Variants in HDAC9 observed in about 807,000 individuals in gnomAD.
HDAC9 encodes MEF-2 interacting transcription repressor (MITR) protein.
HDAC9 carries 41 observed loss-of-function variants against 139.4 expected under a neutral mutation model. That is an observed-to-expected ratio of 0.29 (90% CI 0.23 to 0.38). HDAC9 has a LOEUF of 0.38. Ranked by LOEUF, HDAC9 falls within the 10% of genes least tolerant of loss-of-function variation. HDAC9 has a pLI of 1.00. For missense variants in HDAC9, 1,147 were observed against 1,297.0 expected, an observed-to-expected ratio of 0.88 and a Z score of 1.78; for synonymous variants, 517 against 476.2, an observed-to-expected ratio of 1.09 and a Z score of -1.12.
chr7:18,091,813 A>G (rs1237624791), intron 1 of HDAC9, among the ~76,000 whole-genome samples: 2 of 152,176 alleles, frequency 1.3e-5, no homozygotes, highest in Non-Finnish European at 2.9e-5. Context: ...TGGCTGTAGG[A>G]CTGAGGCCTC....
intron 2 of HDAC9, among the ~76,000 whole-genome samples, chr7:18,564,262 C>T (rs1481938253): frequency 1.3e-5 from 2 of 151,910 alleles, no homozygotes; most frequent in Non-Finnish European, 2.9e-5. Flanking sequence ...TTGTCCATGG[C>T]TATAAATTAA....
chr7:18,555,115 C>T (rs1818395376), intron 2 of HDAC9, among the ~76,000 whole-genome samples: 1 of 152,106 alleles, frequency 6.6e-6, no homozygotes, highest in Non-Finnish European at 1.5e-5. Flanking sequence ...CAAAAGTCTC[C>T]TTTAATATAA....
At chr7:18,813,906 CCA>C (rs1425600585) in intron 17 of HDAC9, among the ~76,000 whole-genome samples, 1 of 152,196 alleles carries the variant, frequency 6.6e-6, no homozygotes, top group Non-Finnish European at 1.5e-5. Context: ...TGTTCCCACA[CCA>C]CAGTCCATTT....
chr7:18,355,391 T>G (rs1783175883), intron 1 of HDAC9, among the ~76,000 whole-genome samples: 2 of 152,306 alleles, frequency 1.3e-5, no homozygotes, highest in South Asian at 4.1e-4. Context: ...AGAACTAGCA[T>G]GTTCTTCAGA....
chr7:18,365,294 C>A (rs1365893), intron 1 of HDAC9, among the ~76,000 whole-genome samples: 46,848 of 151,568 alleles, frequency 0.31, 7,783 homozygotes, highest in East Asian at 0.45. Context: ...TCTGATAGGT[C>A]GGAGCTGCAT....
intron 8 of HDAC9, among the ~76,000 whole-genome samples, chr7:18,643,795 A>C (rs776604603): frequency 6.6e-6 from 1 of 152,110 alleles, no homozygotes; most frequent in Non-Finnish European, 1.5e-5. Context: ...CCACTGTGTC[A>C]TACTGTTACA....
chr7:18,954,450 A>G (rs947359739), intron 24 of HDAC9: 4 of 444,280 alleles, frequency 9.0e-6, no homozygotes, highest in Non-Finnish European at 1.6e-5. Context: ...TTTCTCATGT[A>G]TTTCAGGTAT....
At chr7:18,753,821 T>G (rs1788651493) in intron 14 of HDAC9, among the ~76,000 whole-genome samples, 1 of 152,108 alleles carries the variant, frequency 6.6e-6, no homozygotes, top group African/African-American at 2.4e-5. Context: ...GGTTTTCCTA[T>G]GTTTAGATGA....
intron 25 of HDAC9, among the ~76,000 whole-genome samples, chr7:18,979,851 T>C (rs893719673): frequency 6.6e-6 from 1 of 152,198 alleles, no homozygotes; most frequent in Non-Finnish European, 1.5e-5. Flanking sequence ...ACCATGGAGA[T>C]GGTGCAAGCC....
At chr7:18,835,250 A>G (rs1796151093) in intron 19 of HDAC9, among the ~76,000 whole-genome samples, 1 of 152,190 alleles carries the variant, frequency 6.6e-6, no homozygotes, top group African/African-American at 2.4e-5. Context: ...CCAGTTTAAA[A>G]AATGAGTGCA....
intron 19 of HDAC9, among the ~76,000 whole-genome samples, chr7:18,830,824 G>A (rs1455174676): frequency 6.6e-6 from 1 of 152,132 alleles, no homozygotes; most frequent in Non-Finnish European, 1.5e-5. Context: ...ATGTGTTGAA[G>A]GCCTAGATAT....
At chr7:18,690,843 T>C (rs1782623485) in intron 12 of HDAC9, among the ~76,000 whole-genome samples, 1 of 151,992 alleles carries the variant, frequency 6.6e-6, no homozygotes, top group South Asian at 2.1e-4. Context: ...ATATATTAGA[T>C]TTGATAATAG....
intron 2 of HDAC9, among the ~76,000 whole-genome samples, chr7:18,513,406 G>C (rs907376284): frequency 2.0e-5 from 3 of 152,186 alleles, no homozygotes; most frequent in African/African-American, 7.2e-5. Flanking sequence ...AAGAAAGGTA[G>C]ATAACTGTAT....
intron 21 of HDAC9, among the ~76,000 whole-genome samples, chr7:18,861,333 T>A (rs1798090819): frequency 1.3e-5 from 2 of 152,146 alleles, no homozygotes; most frequent in Admixed American, 6.6e-5. Context: ...TAGACTAGAT[T>A]TCAGTACAGA....
intron 17 of HDAC9, among the ~76,000 whole-genome samples, chr7:18,806,271 A>T (rs1443141479): frequency 6.6e-6 from 1 of 152,196 alleles, no homozygotes. Context: ...AACAATGCAA[A>T]TTTATTCTTT....
At chr7:18,435,059 CAAA>C (rs376786180) in intron 1 of HDAC9, among the ~76,000 whole-genome samples, 5 of 67,806 alleles carry the variant, frequency 7.4e-5, no homozygotes, top group Admixed American at 4.2e-4. Context: ...ACTACACAGC[CAAA>C]AAAAAAAAAA....
intron 21 of HDAC9, among the ~76,000 whole-genome samples, chr7:18,838,320 T>G (rs1298734273): frequency 6.6e-6 from 1 of 152,050 alleles, no homozygotes; most frequent in African/African-American, 2.4e-5. Flanking sequence ...TAACTTGTCC[T>G]CAATGGTTTC....
chr7:18,408,798 C>T (rs1230201210), intron 1 of HDAC9, among the ~76,000 whole-genome samples: 2 of 152,090 alleles, frequency 1.3e-5, no homozygotes, highest in Non-Finnish European at 2.9e-5. Context: ...TACATAAGAG[C>T]AAACAGTCCT....
chr7:18,222,402 G>A (rs534927436), intron 2 of HDAC9, among the ~76,000 whole-genome samples: 217 of 152,182 alleles, frequency 1.4e-3, no homozygotes, highest in Non-Finnish European at 2.2e-3. Flanking sequence ...GTAGCTGTTA[G>A]CTTTATGTGA....
Sources: allele counts gnomAD v4.1 joint callset (sites outside exome capture counted in the v4.1 genomes callset), GRCh38; gene constraint gnomAD v4.1.1; transcripts MANE v1.5; gene names NCBI Gene and HGNC (gene_info 2026-07-23, HGNC 2026-07-21).